ABCC11: variants seen among roughly 807,000 people sequenced by gnomAD.
ABCC11 encodes ATP-binding cassette sub-family C member 11.
ABCC11 carries 135 observed loss-of-function variants against 149.3 expected under a neutral mutation model. The observed-to-expected ratio is 0.90, with a 90% confidence interval of 0.79 to 1.04. ABCC11 has a LOEUF of 1.04. ABCC11 is among the 50% of genes least tolerant of loss of function. The pLI is 0.00. For synonymous variants in ABCC11, 665 were observed against 671.4 expected (o/e 0.99, Z 0.15); for missense variants, 1,680 against 1,722.1 (o/e 0.98, Z 0.43).
intron 27 of ABCC11, 79 bp downstream of exon 27, chr16:48,170,810 C>T: frequency 1.5e-6 from 2 of 1,338,818 alleles, no homozygotes; most frequent in Non-Finnish European, 2.1e-6. Context: ...TGGAACACCA[C>T]ATGAGAGGAG....
Position 48,196,276 on chromosome 16 carries a change from G to A in ABCC11, c.2360C>T (p.Ser787Phe), listed in dbSNP as rs1314405147. The change falls in exon 18 of 30, where the codon TCC becomes TTC. Residue 787 changes from serine (S) to phenylalanine (F), a missense_variant. Physicochemically the swap from Ser to Phe is radical, Grantham distance 155 (BLOSUM62 -2). Coordinates refer to ENST00000356608, the MANE Select transcript of ABCC11 (RefSeq NM_001370497.1). ...LTQEEEMEEG[S>F]LSWRVYHHYI... ...GTGGTGGTAGACCCTCCAACTCAAG[G>A]AGCCTTCTTCCATCTCCTCCTCCTG... 8.7e-6 allele frequency: 14 copies of A among 1,614,150 alleles called. No homozygotes were observed. The highest frequency in any genetic ancestry group is 1.2e-5 in the Non-Finnish European group (14 of 1,180,032).
At chr16:48,192,386 A>C in intron 20 of ABCC11, 134 bp downstream of exon 20, 1 of 975,014 alleles carries the variant, frequency 1.0e-6, no homozygotes, top group Non-Finnish European at 1.5e-6. Context: ...GGAGGTTGCC[A>C]TGAGTGGAGA....
At chr16:48,179,420 G>A (rs978374067) in intron 23 of ABCC11, among the ~76,000 whole-genome samples, 3 of 152,250 alleles carry the variant, frequency 2.0e-5, no homozygotes, top group Non-Finnish European at 2.9e-5. Context: ...AGAAGCTGGA[G>A]GCAGAGCTGG....
chr16:48,172,621 C>A (rs563276610), intron 26 of ABCC11, among the ~76,000 whole-genome samples: 1 of 152,154 alleles, frequency 6.6e-6, no homozygotes, highest in Non-Finnish European at 1.5e-5. Flanking sequence ...TGAGGAATTG[C>A]CAAATTGTTT....
At position 48,193,982 on chromosome 16, in the gene ABCC11, C is replaced by G. The variant is rs768585292; in HGVS notation, c.2405G>C (p.Gly802Ala). Reference protein sequence around the residue: ...VYHHYIQAAGGYMVSCIIFFF... With the variant: ...VYHHYIQAAGAYMVSCIIFFF... Reference sequence around the variant, plus strand: ...GAAAATTATGCAAGAGACCATGTAACCTGGGAGGGAGACAGTGGTGATGTA... The same window carrying G: ...GAAAATTATGCAAGAGACCATGTAAGCTGGGAGGGAGACAGTGGTGATGTA... The change falls in exon 19 of 30, where the codon GGT (glycine) becomes GCT (alanine). Residue 802 changes from glycine (G) to alanine (A), a missense_variant and splice_region_variant. By Grantham distance (60) the Gly-to-Ala change is moderately conservative. Coordinates refer to ENST00000356608, the MANE Select transcript of ABCC11 (RefSeq NM_001370497.1). 3 of 1,607,804 alleles carry G rather than the reference C, an allele frequency of 1.9e-6. No individual in the cohort carries two copies. In the African/African-American group the frequency reaches 4.0e-5, roughly 22 times the overall value.
intron 23 of ABCC11, among the ~76,000 whole-genome samples, chr16:48,181,058 C>G (rs1200412221): frequency 6.6e-6 from 1 of 152,230 alleles, no homozygotes; most frequent in South Asian, 2.1e-4. Context: ...CTCTGCCTCG[C>G]TCCCTACAAG....
chr16:48,217,303 A>T (rs1473857914), intron 6 of ABCC11, among the ~76,000 whole-genome samples: 3 of 151,854 alleles, frequency 2.0e-5, no homozygotes, highest in African/African-American at 7.3e-5. Context: ...CTCCTCCCAC[A>T]TATACTGCCT....
intron 1 of ABCC11, chr16:48,244,340 C>T: frequency 7.3e-7 from 1 of 1,368,660 alleles, no homozygotes. Context: ...CCGGGGGCAG[C>T]TGTCTGTCTG....
intron 4 of ABCC11, among the ~76,000 whole-genome samples, chr16:48,225,874 C>T (rs1970037526): frequency 6.6e-6 from 1 of 151,838 alleles, no homozygotes; most frequent in East Asian, 1.9e-4. Flanking sequence ...CATCTTTAAA[C>T]AAAAAACAAA....
chr16:48,230,460 C>CA lies in ABCC11; in HGVS notation c.212dup (p.Met71IlefsTer44). On this transcript the variant is annotated frameshift_variant, in exon 3 of 30. Transcript: ENST00000356608. LOFTEE classifies it high-confidence loss of function. The stretch of plus-strand genomic sequence containing the variant: ...ACCTCGGCTTGGGACGGAAGGGAAT[C>CA]ATGGTTCTCAAGGCAGCATCATACT... The CA allele has an allele frequency of 1.2e-6, 2 of 1,610,014 alleles. No homozygotes were observed. Among genetic ancestry groups the CA allele is most frequent in the South Asian group, 2.2e-5 (2 of 90,276 alleles).
intron 12 of ABCC11, among the ~76,000 whole-genome samples, chr16:48,206,441 T>G (rs1219286627): frequency 6.6e-6 from 1 of 152,208 alleles, no homozygotes; most frequent in African/African-American, 2.4e-5. Flanking sequence ...TTTTTCTGCC[T>G]AAGTTCAAAA....
At chr16:48,245,090 C>T (rs923484560) in intron 1 of ABCC11, among the ~76,000 whole-genome samples, 1 of 152,102 alleles carries the variant, frequency 6.6e-6, no homozygotes. Flanking sequence ...TTCTCTGCTC[C>T]GTGAGTTTTA....
chr16:48,197,936 T>C, intron 17 of ABCC11, 35 bp downstream of exon 17: 1 of 1,608,082 alleles, frequency 6.2e-7, no homozygotes, highest in Non-Finnish European at 8.5e-7. Context: ...CAGGCAGGCA[T>C]GCAGACATTC....
chr16:48,236,980 AC>A (rs1299194036), intron 1 of ABCC11, among the ~76,000 whole-genome samples: 1 of 152,228 alleles, frequency 6.6e-6, no homozygotes, highest in Non-Finnish European at 1.5e-5. Context: ...TTTATATCCT[AC>A]TGCTCAAGGT....
At chr16:48,237,684 G>C (rs927812479) in intron 1 of ABCC11, among the ~76,000 whole-genome samples, 2 of 152,154 alleles carry the variant, frequency 1.3e-5, no homozygotes, top group Non-Finnish European at 2.9e-5. Context: ...AGAGCCTACA[G>C]AGCCCTCTAT....
chr16:48,237,030 C>T (rs1970723872), intron 1 of ABCC11, among the ~76,000 whole-genome samples: 1 of 152,162 alleles, frequency 6.6e-6, no homozygotes, highest in Non-Finnish European at 1.5e-5. Context: ...AAAAAAATTG[C>T]AACCTCCGGC....
intron 1 of ABCC11, among the ~76,000 whole-genome samples, chr16:48,234,904 C>CAGAG (rs1397476309): frequency 1.3e-5 from 2 of 152,162 alleles, no homozygotes; most frequent in Non-Finnish European, 2.9e-5. Flanking sequence ...AGCCTAGGAG[C>CAGAG]AGAGGTCACT....
chr16:48,171,640 T>A (rs1596652991), intron 26 of ABCC11, among the ~76,000 whole-genome samples: 1 of 152,356 alleles, frequency 6.6e-6, no homozygotes, highest in East Asian at 1.9e-4. Context: ...TAATGTCATG[T>A]AACCATTACC....
intron 27 of ABCC11, among the ~76,000 whole-genome samples, 180 bp from the exon 28 acceptor site, chr16:48,170,398 G>A (rs376286944): frequency 1.3e-5 from 2 of 152,052 alleles, no homozygotes; most frequent in African/African-American, 2.4e-5. Context: ...CTTTGCATAC[G>A]CTAGCTCCTG....
Sources: gnomAD v4.1 joint callset for allele counts (sites outside exome capture counted in the v4.1 genomes callset) on GRCh38, gnomAD v4.1.1 for gene constraint, MANE v1.5 for transcripts, NCBI Gene and HGNC (gene_info 2026-07-23, HGNC 2026-07-21) for gene names.